The following EMC3 variants were observed in gnomAD, a reference collection of about 807,000 sequenced individuals.
EMC3 encodes the protein ER membrane protein complex subunit 3, also known as 30 kDa protein.
A neutral mutation model predicts 36.6 loss-of-function variants in EMC3; 13 were observed. The ratio of observed to expected loss-of-function variants is 0.35; its 90% CI spans 0.23 to 0.56. The LOEUF is 0.56. Ranked by LOEUF, EMC3 falls within the 20% of genes least tolerant of loss-of-function variation. The pLI is 0.84. For synonymous variants in EMC3, 120 were observed against 111.9 expected (o/e 1.07, Z -0.46); for missense variants, 220 against 324.5 (o/e 0.68, Z 2.47).
rs59980438 is a variant in EMC3, at chr3:10,008,694, C to T, written c.-242+2329G>A. On this transcript the variant is annotated intron_variant, in intron 1 of 8. Transcript: ENST00000470827. ...GGCAAAGATTTGCTGTTTACCCCGT[C>T]CCAGGCTGCCCCGCACCCACATAGC... 6.1e-3 allele frequency: 2,115 copies of T among 348,358 alleles called. 32 individuals carry two copies. Among genetic ancestry groups the T allele is most frequent in the African/African-American group, 0.041 (1,916 of 46,564 alleles). 21.6% of individuals were successfully genotyped at this position (348,358 alleles called of 1,614,324 possible). A position where few individuals can be genotyped will look rare whatever the true frequency, so the allele number is the denominator to read the frequency against.
At position 9,970,753 on chromosome 3, in the gene EMC3, T is replaced by G. The variant is rs1270537720; in HGVS notation, c.495-92A>C. ...CCTACCACCCAAAGTTGTTCAGTGT[T>G]TGTAAAGAAGTCACCTTGGATGGGC... On this transcript the variant is annotated intron_variant, in intron 5 of 7. Transcript: ENST00000245046. The G allele has an allele frequency of 3.0e-5, 40 of 1,328,928 alleles. No homozygotes were observed. The East Asian group carries it at 8.8e-4, about 29-fold the overall frequency. 82.3% of individuals were successfully genotyped at this position (1,328,928 alleles called of 1,614,324 possible).
intron 1 of EMC3, among the ~76,000 whole-genome samples, chr3:9,979,143 C>T (rs2124911968): frequency 1.3e-5 from 2 of 152,294 alleles, no homozygotes; most frequent in East Asian, 3.9e-4. Flanking sequence ...ACTTTATCTA[C>T]AGGGCGCAAC....
upstream of EMC3, among the ~76,000 whole-genome samples, chr3:9,990,325 C>CTCTCTTTTTT (rs756491768): frequency 3.4e-5 from 3 of 88,706 alleles, no homozygotes; most frequent in Admixed American, 1.3e-4. Context: ...GGGCCTTTCT[C>CTCTCTTTTTT]TTTTTTTTTT....
upstream of EMC3, among the ~76,000 whole-genome samples, chr3:9,990,181 C>T (rs1378908525): frequency 2.7e-5 from 4 of 150,656 alleles, no homozygotes; most frequent in East Asian, 2.0e-4. Context: ...CCTGCCACCA[C>T]GCCCGGCTAA....
At position 10,006,010 on chromosome 3, in the gene EMC3, G is replaced by A. The variant is rs535710349; in HGVS notation, c.-242+5013C>T. 9.9e-4 allele frequency among the ~76,000 whole-genome samples: 151 copies of A among 152,278 alleles called. 1 individual carries two copies. The South Asian group carries it at 0.031, about 31-fold the overall frequency. ...AAGAAAGCCAGATGTCAGGGCAGAA[G>A]ACCGCCATTCTTGCCAGTACACCTG... On this transcript the variant is annotated intron_variant, in intron 1 of 8. Transcript: ENST00000470827.
At chr3:9,983,605 G>A (rs919492451) in intron 1 of EMC3, among the ~76,000 whole-genome samples, 2 of 152,080 alleles carry the variant, frequency 1.3e-5, no homozygotes, top group African/African-American at 2.4e-5. Context: ...TGGGGAGGCA[G>A]AGGTTGCAGT....
chr3:9,966,740 A>C (rs2085739938), intron 7 of EMC3, among the ~76,000 whole-genome samples: 1 of 151,756 alleles, frequency 6.6e-6, no homozygotes, highest in African/African-American at 2.4e-5. Flanking sequence ...ATGCCCAGCT[A>C]ATTTTTGTAT....
At chr3:9,991,987 G>A (rs192979989) in intron 1 of EMC3, among the ~76,000 whole-genome samples, 47 of 152,248 alleles carry the variant, frequency 3.1e-4, no homozygotes, top group African/African-American at 9.4e-4. Flanking sequence ...GACAGGAGGC[G>A]GATCTCAGTG....
intron 7 of EMC3, among the ~76,000 whole-genome samples, chr3:9,968,235 G>A (rs13063098): frequency 0.21 from 32,275 of 152,148 alleles, 3,891 homozygotes; most frequent in African/African-American, 0.32. Flanking sequence ...CATTTCTTTT[G>A]TTAGATTTGT....
rs2085980161 is a variant in EMC3 at position 9,986,834 on chromosome 3, T to C, written c.-173A>G. The stretch of plus-strand genomic sequence containing the variant: ...CTGCCTTCAGCTGGGCTGCCTGGTC[T>C]TCCACTTCCGGCGCGAACGTTGACG... On this transcript the variant is annotated 5_prime_UTR_variant, in exon 1 of 8. Coordinates refer to ENST00000245046, the MANE Select transcript of EMC3 (RefSeq NM_001394674.1). The C allele has an allele frequency of 2.2e-6, 3 of 1,394,144 alleles. No homozygotes were observed. The highest frequency in any genetic ancestry group is 3.3e-5 in the South Asian group (2 of 60,802). 86.4% of individuals were successfully genotyped at this position (1,394,144 alleles called of 1,614,324 possible).
Position 9,969,788 on chromosome 3 carries a change from T to C in EMC3, c.588A>G (p.Ser196=), listed in dbSNP as rs1231983380. 3.7e-6 allele frequency: 6 copies of C among 1,613,296 alleles called. No homozygotes were observed. The highest frequency in any genetic ancestry group is 5.1e-6 in the Non-Finnish European group (6 of 1,179,980). ...ILGQDNAADQ[S]RMMQEQMTGA... ...CCGTCATCTGCTCCTGCATCATTCG[T>C]GATTGGTCAGCGGCTGTAGCATAAG... The change falls in exon 7 of 8, where the codon TCA becomes TCG. Residue 196 remains serine (S), a synonymous_variant. Coordinates refer to ENST00000245046, the MANE Select transcript of EMC3 (RefSeq NM_001394674.1).
At chr3:9,997,355 C>T (rs1019809456) in intron 1 of EMC3, among the ~76,000 whole-genome samples, 22 of 152,140 alleles carry the variant, frequency 1.4e-4, no homozygotes, top group Non-Finnish European at 2.6e-4. Context: ...CAGGCGTGTG[C>T]CGCCACGCCC....
intron 1 of EMC3, among the ~76,000 whole-genome samples, chr3:9,993,718 G>T (rs1207051614): frequency 6.6e-6 from 1 of 152,180 alleles, no homozygotes; most frequent in South Asian, 2.1e-4. Context: ...TTATTAACTG[G>T]TTATTTACTC....
At position 9,973,193 on chromosome 3, in the gene EMC3, TTTG is replaced by T. The variant is rs1462010744; in HGVS notation, c.494+432_494+434del. 8.1e-5 allele frequency among the ~76,000 whole-genome samples: 12 copies of T among 148,512 alleles called. 1 individual carries two copies. The East Asian group carries it at 1.0e-3, about 13-fold the overall frequency. The stretch of plus-strand genomic sequence containing the variant: ...GTGAGGTTTTTGTTTTCGTTTTTTG[TTTG>T]TTTGTTTGTTTGTTTTCAGACAGAG... On this transcript the variant is annotated intron_variant, in intron 5 of 7. Transcript: ENST00000245046.
At chr3:9,997,132 T>G (rs916588686) in intron 1 of EMC3, among the ~76,000 whole-genome samples, 3 of 152,208 alleles carry the variant, frequency 2.0e-5, no homozygotes, top group African/African-American at 7.2e-5. Context: ...ATTCTATCTA[T>G]GGATTTGTTC....
intron 1 of EMC3, chr3:10,006,980 C>G (rs1038348126): frequency 7.3e-5 from 21 of 287,596 alleles, no homozygotes; most frequent in Non-Finnish European, 1.2e-4. Flanking sequence ...AAAATGGTTA[C>G]TGATAAGTGA....
intron 1 of EMC3, among the ~76,000 whole-genome samples, chr3:9,993,796 T>G (rs1035784683): frequency 6.6e-6 from 1 of 152,212 alleles, no homozygotes; most frequent in African/African-American, 2.4e-5. Context: ...AAAAGTCAGT[T>G]TAGTTAGCAT....
chr3:10,001,572 C>T (rs559933181), intron 1 of EMC3, among the ~76,000 whole-genome samples: 70 of 149,770 alleles, frequency 4.7e-4, no homozygotes, highest in African/African-American at 1.6e-3. Context: ...AGCAAGACTC[C>T]GTCTCAAAAA....
chr3:10,008,562 C>T lies in EMC3; in HGVS notation c.-242+2461G>A, dbSNP rs935205787. The T allele has an allele frequency of 5.9e-6, 6 of 1,019,806 alleles. No homozygotes were observed. The African/African-American group carries it at 9.9e-5, about 17-fold the overall frequency. The allele number at this position is 1,019,806 out of a possible 1,614,324, so 63.2% of individuals were successfully genotyped here. A position where few individuals can be genotyped will look rare whatever the true frequency, so the allele number is the denominator to read the frequency against. On this transcript the variant is annotated intron_variant, in intron 1 of 8. Transcript: ENST00000470827. ...GGTTCCCAAAAGACAGCCCAGAGAGCAGGGTCAGATAGTGGGGGGTGGGTT... is the reference window on the plus strand; with the variant it reads ...GGTTCCCAAAAGACAGCCCAGAGAGTAGGGTCAGATAGTGGGGGGTGGGTT...
Sources: allele counts gnomAD v4.1 joint callset (sites outside exome capture counted in the v4.1 genomes callset), GRCh38; gene constraint gnomAD v4.1.1; transcripts MANE v1.5; gene names NCBI Gene and HGNC (gene_info 2026-07-23, HGNC 2026-07-21).